The following CAMTA1 variants were observed in gnomAD, a reference collection of about 807,000 sequenced individuals.
CAMTA1 encodes the protein calmodulin binding transcription activator 1, also known as calmodulin-binding transcription activator 1.
CAMTA1 carries 27 observed loss-of-function variants against 170.9 expected under a neutral mutation model. The ratio of observed to expected loss-of-function variants is 0.16; its 90% CI spans 0.12 to 0.22. CAMTA1 has a LOEUF of 0.22. Among genes scored for constraint, CAMTA1 ranks in the 10% least tolerant of loss-of-function variants. CAMTA1 has a pLI of 1.00. For synonymous variants in CAMTA1, 833 were observed against 891.5 expected (o/e 0.93, Z 1.17); for missense variants, 1,619 against 2,217.2 (o/e 0.73, Z 5.42).
In CAMTA1 at chr1:6,965,808, G is replaced by A. The variant is rs769649762; in HGVS notation, c.235-125496G>A. Reference sequence around the variant, plus strand: ...GATGAGGTCTGGATGGAGCCTGAATGCGGCATTAACTGCATATCAGAGACC... The same window carrying A: ...GATGAGGTCTGGATGGAGCCTGAATACGGCATTAACTGCATATCAGAGACC... On this transcript the variant is annotated intron_variant, in intron 3 of 22. Coordinates refer to ENST00000303635, the MANE Select transcript of CAMTA1 (RefSeq NM_015215.4). This position sits in a 1 kb window ranked among gnomAD's most constrained non-coding sequence, Gnocchi z 4.1. Among the ~76,000 whole-genome samples, 3 of 152,188 alleles carry A rather than the reference G, an allele frequency of 2.0e-5. No homozygotes were observed. The highest frequency in any genetic ancestry group is 4.4e-5 in the Non-Finnish European group (3 of 68,042).
chr1:7,472,605 C>T (rs900731587), intron 6 of CAMTA1, among the ~76,000 whole-genome samples: 11 of 152,306 alleles, frequency 7.2e-5, no homozygotes, highest in African/African-American at 2.6e-4. Flanking sequence ...AGAGATTGGG[C>T]ACCTTGTAGC....
At chr1:7,201,508 AG>A (rs1364158017) in intron 4 of CAMTA1, among the ~76,000 whole-genome samples, 1 of 152,158 alleles carries the variant, frequency 6.6e-6, no homozygotes, top group Non-Finnish European at 1.5e-5. Flanking sequence ...TCTTACCAGC[AG>A]GGTATGAGGG....
chr1:7,668,747 G>A (rs138351802), intron 9 of CAMTA1, among the ~76,000 whole-genome samples: 1 of 152,348 alleles, frequency 6.6e-6, no homozygotes, highest in East Asian at 1.9e-4. Flanking sequence ...AGGTCCTGAT[G>A]TTCTCCAGTA....
chr1:7,600,894 A>G (rs1047221238), intron 6 of CAMTA1, among the ~76,000 whole-genome samples: 22 of 151,316 alleles, frequency 1.5e-4, no homozygotes, highest in African/African-American at 4.6e-4. Context: ...TTCTACACAG[A>G]CATGGCAACC....
chr1:7,090,783 C>T (rs562326232), intron 3 of CAMTA1, among the ~76,000 whole-genome samples: 1 of 152,080 alleles, frequency 6.6e-6, no homozygotes, highest in African/African-American at 2.4e-5. Flanking sequence ...CTTATTTCTC[C>T]CCGTTTCCTC....
intron 4 of CAMTA1, among the ~76,000 whole-genome samples, chr1:7,235,717 C>T (rs1031178233): frequency 2.6e-5 from 4 of 152,216 alleles, no homozygotes; most frequent in Non-Finnish European, 5.9e-5. Context: ...CCATTGAACA[C>T]GGCAAAAGCA....
At position 7,633,907 on chromosome 1, in the gene CAMTA1, A is replaced by T. The variant is rs921719890; in HGVS notation, c.511-6493A>T. Reference sequence around the variant, plus strand: ...TGAATGAGGTTTCCACAAGAAAGTGACCTGGGACCAATGTGGCATGGAGCG... The same window carrying T: ...TGAATGAGGTTTCCACAAGAAAGTGTCCTGGGACCAATGTGGCATGGAGCG... On this transcript the variant is annotated intron_variant, in intron 6 of 22. Transcript: ENST00000303635. The surrounding 1 kb of genome is among the most constrained non-coding windows in gnomAD (Gnocchi z 4.1). Among the ~76,000 whole-genome samples the T allele has an allele frequency of 6.6e-6, 1 of 152,232 alleles. No homozygotes were observed. The highest frequency in any genetic ancestry group is 2.4e-5 in the African/African-American group (1 of 41,456).
intron 5 of CAMTA1, among the ~76,000 whole-genome samples, chr1:7,452,915 A>G (rs1465498522): frequency 6.6e-6 from 1 of 152,166 alleles, no homozygotes; most frequent in African/African-American, 2.4e-5. Context: ...TCCTATGTTT[A>G]ACTTTTTGAG....
chr1:6,860,441 C>T (rs1246714947), intron 3 of CAMTA1, among the ~76,000 whole-genome samples: 1 of 152,130 alleles, frequency 6.6e-6, no homozygotes, highest in Non-Finnish European at 1.5e-5. Context: ...TTGCCATTAC[C>T]ATGTGCTAAG....
chr1:6,797,695 C>T (rs978034839), intron 1 of CAMTA1, among the ~76,000 whole-genome samples: 4 of 151,934 alleles, frequency 2.6e-5, no homozygotes, highest in Admixed American at 1.3e-4. Flanking sequence ...CTTGAGATGA[C>T]TTTTTAAATG....
chr1:7,636,124 G>A (rs1466870698), intron 6 of CAMTA1, among the ~76,000 whole-genome samples: 1 of 152,202 alleles, frequency 6.6e-6, no homozygotes, highest in Non-Finnish European at 1.5e-5. Context: ...GAAAGGCAAG[G>A]CCCAGCATGG....
chr1:6,996,115 G>A (rs1419959206), intron 3 of CAMTA1, among the ~76,000 whole-genome samples: 2 of 152,354 alleles, frequency 1.3e-5, no homozygotes, highest in East Asian at 3.9e-4. Flanking sequence ...CCTTTCTAGA[G>A]TTAGCAAAGC....
At chr1:7,747,915 TTTTTA>T in intron 19 of CAMTA1, 134 bp downstream of exon 19, 1 of 573,234 alleles carries the variant, frequency 1.7e-6, no homozygotes, top group East Asian at 3.2e-5. Context: ...TGTTTTTTTT[TTTTTA>T]TTTTTTTTTT....
chr1:7,290,947 A>T (rs780281156), intron 5 of CAMTA1, among the ~76,000 whole-genome samples: 3 of 152,128 alleles, frequency 2.0e-5, no homozygotes, highest in African/African-American at 7.2e-5. Flanking sequence ...CTCTCACAGG[A>T]TCACTCAGCT....
Position 6,971,730 on chromosome 1 carries a change from G to A in CAMTA1, c.235-119574G>A, listed in dbSNP as rs1428086790. Reference sequence around the variant, plus strand: ...CATGCTTATTAGGTAAGTGATTGGTGTGGATTCCTGCTCTCCGAAGGAAAA... The same window carrying A: ...CATGCTTATTAGGTAAGTGATTGGTATGGATTCCTGCTCTCCGAAGGAAAA... On this transcript the variant is annotated intron_variant, in intron 3 of 22. Transcript: ENST00000303635. This position sits in a 1 kb window ranked among gnomAD's most constrained non-coding sequence, Gnocchi z 4.6. 2.6e-5 allele frequency among the ~76,000 whole-genome samples: 4 copies of A among 152,338 alleles called. No individual in the cohort carries two copies. The highest frequency in any genetic ancestry group is 5.9e-5 in the Non-Finnish European group (4 of 68,028).
intron 6 of CAMTA1, among the ~76,000 whole-genome samples, chr1:7,557,036 G>C (rs542810771): frequency 6.6e-6 from 1 of 152,122 alleles, no homozygotes. Context: ...AGCCAGGCGC[G>C]GTGGCTCACA....
At chr1:7,542,838 A>AGTTTGTGTGTGTGT (rs745940570) in intron 6 of CAMTA1, among the ~76,000 whole-genome samples, 40 of 56,022 alleles carry the variant, frequency 7.1e-4, no homozygotes, top group Admixed American at 2.0e-3. Context: ...CCTAAAACAC[A>AGTTTGTGTGTGTGT]GTGTGTGTGT....
chr1:7,697,057 G>A (rs1219946948), intron 11 of CAMTA1, among the ~76,000 whole-genome samples: 2 of 152,144 alleles, frequency 1.3e-5, no homozygotes, highest in Non-Finnish European at 2.9e-5. Context: ...TACCTGTGTG[G>A]GATTACTCAA....
At chr1:7,670,108 G>T (rs1404131625) in intron 9 of CAMTA1, among the ~76,000 whole-genome samples, 4 of 152,196 alleles carry the variant, frequency 2.6e-5, no homozygotes, top group Admixed American at 2.0e-4. Context: ...GCTGAGGAAG[G>T]TCATTCGAGG....
Sources: allele counts gnomAD v4.1 joint callset (sites outside exome capture counted in the v4.1 genomes callset), GRCh38; gene constraint gnomAD v4.1.1; non-coding constraint Gnocchi (gnomAD v3.1); transcripts MANE v1.5; gene names NCBI Gene and HGNC (gene_info 2026-07-23, HGNC 2026-07-21).